MAGI2: variants seen among roughly 807,000 people sequenced by gnomAD.
The protein encoded by MAGI2 is membrane associated guanylate kinase, WW and PDZ domain containing 2.
MAGI2 carries 35 observed loss-of-function variants against 133.3 expected under a neutral mutation model. The ratio of observed to expected loss-of-function variants is 0.26; its 90% CI spans 0.20 to 0.35. MAGI2 has a LOEUF of 0.35. Among genes scored for constraint, MAGI2 ranks in the 10% least tolerant of loss-of-function variants. The pLI, the probability that MAGI2 is intolerant of heterozygous loss-of-function variation, is 1.00. For missense variants in MAGI2, 1,636 were observed against 1,863.4 expected, an observed-to-expected ratio of 0.88 and a Z score of 2.25; for synonymous variants, 729 against 710.6, an observed-to-expected ratio of 1.03 and a Z score of -0.41.
intron 2 of MAGI2, among the ~76,000 whole-genome samples, chr7:78,879,331 C>T (rs951194493): frequency 1.3e-5 from 2 of 152,198 alleles, no homozygotes; most frequent in African/African-American, 2.4e-5. Context: ...AGAGACTTCT[C>T]TCAATCAACA....
At chr7:78,871,941 C>T (rs928145449) in intron 2 of MAGI2, among the ~76,000 whole-genome samples, 1 of 151,670 alleles carries the variant, frequency 6.6e-6, no homozygotes, top group Admixed American at 6.6e-5. Context: ...ATATAATATA[C>T]ATATTAAAAT....
intron 6 of MAGI2, among the ~76,000 whole-genome samples, chr7:78,401,210 C>T (rs1447669637): frequency 2.0e-5 from 3 of 151,798 alleles, no homozygotes; most frequent in Non-Finnish European, 2.9e-5. Flanking sequence ...CAGTACTTTT[C>T]GGGATGGATC....
At chr7:78,828,566 T>C (rs886560307) in intron 2 of MAGI2, among the ~76,000 whole-genome samples, 2 of 152,114 alleles carry the variant, frequency 1.3e-5, no homozygotes, top group African/African-American at 4.8e-5. Flanking sequence ...TAATATGGTA[T>C]CTTGGACAGG....
At chr7:78,287,889 G>A (rs942172376) in intron 9 of MAGI2, among the ~76,000 whole-genome samples, 2 of 152,142 alleles carry the variant, frequency 1.3e-5, no homozygotes, top group African/African-American at 4.8e-5. Flanking sequence ...GAAAAAATCA[G>A]TTACCTATTC....
At chr7:78,731,598 A>T (rs1009558956) in intron 2 of MAGI2, among the ~76,000 whole-genome samples, 35 of 152,242 alleles carry the variant, frequency 2.3e-4, no homozygotes, top group African/African-American at 7.9e-4. Flanking sequence ...CTTCCTATTA[A>T]AGTGACATTT....
chr7:78,584,011 G>A (rs1258807753), intron 3 of MAGI2, among the ~76,000 whole-genome samples: 1 of 152,146 alleles, frequency 6.6e-6, no homozygotes, highest in East Asian at 1.9e-4. Context: ...CAGTCACTAA[G>A]CAGTTTTATA....
chr7:79,018,937 T>C (rs1190721471), intron 1 of MAGI2, among the ~76,000 whole-genome samples: 15 of 152,068 alleles, frequency 9.9e-5, no homozygotes. Context: ...CACAAAAGAA[T>C]AATGGAAGAC....
At chr7:79,383,208 G>A (rs1474917309) in intron 1 of MAGI2, among the ~76,000 whole-genome samples, 4 of 151,502 alleles carry the variant, frequency 2.6e-5, no homozygotes, top group East Asian at 1.9e-4. Context: ...GGCCTATAAT[G>A]GGATTGGGAA....
chr7:78,119,961 A>G (rs1157324255), intron 20 of MAGI2, among the ~76,000 whole-genome samples: 1 of 152,254 alleles, frequency 6.6e-6, no homozygotes, highest in East Asian at 1.9e-4. Flanking sequence ...GGAAAAAGCT[A>G]TAAAACTTTA....
At chr7:78,709,453 G>A (rs1818963759) in intron 2 of MAGI2, among the ~76,000 whole-genome samples, 1 of 152,128 alleles carries the variant, frequency 6.6e-6, no homozygotes, top group South Asian at 2.1e-4. Context: ...ATCTTTGGTA[G>A]GAAGCTTTCT....
intron 6 of MAGI2, among the ~76,000 whole-genome samples, chr7:78,475,070 T>C (rs1464692867): frequency 6.6e-6 from 1 of 151,976 alleles, no homozygotes; most frequent in Non-Finnish European, 1.5e-5. Context: ...CAAATACATA[T>C]TCTATCAACA....
At position 79,143,523 on chromosome 7, in the gene MAGI2, T is replaced by A. The variant is rs560600360; in HGVS notation, c.302-136317A>T. 2.0e-5 allele frequency among the ~76,000 whole-genome samples: 3 copies of A among 152,302 alleles called. No individual in the cohort carries two copies. The East Asian group carries it at 5.8e-4, about 29-fold the overall frequency. On this transcript the variant is annotated intron_variant, in intron 1 of 21. Coordinates refer to ENST00000354212, the MANE Select transcript of MAGI2 (RefSeq NM_012301.4). ...GACCATGCTCCATTTGCTGTGGTAA[T>A]AAAACTCAAATAATAATAAATACAG... is the stretch of plus-strand genomic sequence containing the variant.
At chr7:79,384,289 T>C (rs891978703) in intron 1 of MAGI2, among the ~76,000 whole-genome samples, 1 of 151,524 alleles carries the variant, frequency 6.6e-6, no homozygotes, top group Non-Finnish European at 1.5e-5. Context: ...ATAAAGCTTA[T>C]GGTTACAAAG....
At chr7:78,297,985 T>A (rs200655915) in intron 9 of MAGI2, among the ~76,000 whole-genome samples, 2 of 72,216 alleles carry the variant, frequency 2.8e-5, no homozygotes, top group African/African-American at 2.1e-4. Context: ...TAAAGTATAA[T>A]TAAAAAAAAA....
chr7:78,760,937 C>T (rs903187544), intron 2 of MAGI2, among the ~76,000 whole-genome samples: 8 of 152,172 alleles, frequency 5.3e-5, no homozygotes, highest in Non-Finnish European at 8.8e-5. Context: ...GTAGCCACAG[C>T]GTCTGTTTAT....
At chr7:78,604,512 A>T (rs1239543854) in intron 3 of MAGI2, among the ~76,000 whole-genome samples, 1 of 152,230 alleles carries the variant, frequency 6.6e-6, no homozygotes, top group Non-Finnish European at 1.5e-5. Context: ...AATGAAATTC[A>T]TTCACTAAGC....
intron 4 of MAGI2, among the ~76,000 whole-genome samples, chr7:78,511,551 AT>A (rs760565213): frequency 0.09 from 11,481 of 127,726 alleles, 384 homozygotes; most frequent in Middle Eastern, 0.15. Flanking sequence ...ATATATATAA[AT>A]TTTTTTTTTT....
intron 1 of MAGI2, among the ~76,000 whole-genome samples, chr7:79,148,862 G>T (rs540695587): frequency 7.0e-6 from 1 of 143,240 alleles, no homozygotes; most frequent in Non-Finnish European, 1.5e-5. Flanking sequence ...ATATATATAT[G>T]TATGTTTTAT....
chr7:79,437,536 G>C (rs566022558), intron 1 of MAGI2, among the ~76,000 whole-genome samples: 1 of 152,102 alleles, frequency 6.6e-6, no homozygotes, highest in South Asian at 2.1e-4. Flanking sequence ...AATTTTATAT[G>C]TCAAAGGAAA....
Sources: allele counts gnomAD v4.1 joint callset (sites outside exome capture counted in the v4.1 genomes callset), GRCh38; gene constraint gnomAD v4.1.1; transcripts MANE v1.5; gene names NCBI Gene and HGNC (gene_info 2026-07-23, HGNC 2026-07-21).